Variants in RUFY3 observed in about 807,000 individuals in gnomAD.
The protein encoded by RUFY3 is protein RUFY3.
A neutral mutation model predicts 84.0 loss-of-function variants in RUFY3; 34 were observed. The observed-to-expected ratio is 0.40, with a 90% CI of 0.31 to 0.54. The LOEUF (loss-of-function observed/expected upper bound fraction) is 0.54. Ranked by LOEUF, RUFY3 falls within the 20% of genes least tolerant of loss-of-function variation. The pLI is 0.39. For synonymous variants in RUFY3, 242 were observed against 252.9 expected (o/e 0.96, Z 0.41); for missense variants, 507 against 736.8 (o/e 0.69, Z 3.61).
At chr4:70,778,291 T>C (rs1728307967) in intron 7 of RUFY3, 78 bp from the exon 8 acceptor site, 2 of 654,928 alleles carry the variant, frequency 3.1e-6, no homozygotes. Flanking sequence ...GAAGGATAAG[T>C]GTGAAGGGTT....
chr4:70,748,913 A>G (rs1722660808), intron 1 of RUFY3, among the ~76,000 whole-genome samples: 1 of 152,208 alleles, frequency 6.6e-6, no homozygotes, highest in Non-Finnish European at 1.5e-5. Flanking sequence ...CAAGAGGTCC[A>G]AGGAGGATTG....
At chr4:70,745,067 C>G (rs1721977412) in intron 1 of RUFY3, among the ~76,000 whole-genome samples, 1 of 152,100 alleles carries the variant, frequency 6.6e-6, no homozygotes, top group Non-Finnish European at 1.5e-5. Flanking sequence ...GCCTCAGCCT[C>G]CTGAGTAGCT....
Position 70,793,637 on chromosome 4 carries a change from T to C in RUFY3, c.1338-148T>C, listed in dbSNP as rs1001785701. On this transcript the variant is annotated intron_variant, in intron 12 of 17. Coordinates refer to ENST00000381006, the MANE Select transcript of RUFY3 (RefSeq NM_001037442.4). ...TCTCCATCTTTTCCCCCCCATAATT[T>C]CTTCACCTGTGTCCTGCAAAGTTTT... The C allele has an allele frequency of 2.0e-6, 3 of 1,501,420 alleles. No individual in the cohort carries two copies. In the African/African-American group the frequency reaches 4.3e-5, roughly 21 times the overall value. 93.0% of individuals were successfully genotyped at this position (1,501,420 alleles called of 1,614,324 possible). A position where few individuals can be genotyped will look rare whatever the true frequency, so the allele number is the denominator to read the frequency against.
intron 1 of RUFY3, among the ~76,000 whole-genome samples, chr4:70,711,021 G>A (rs991454154): frequency 4.3e-4 from 54 of 124,474 alleles, no homozygotes; most frequent in African/African-American, 1.6e-3. Context: ...GCCAAGATCC[G>A]CCACTACACT....
At chr4:70,800,724 G>A (rs992183064) in intron 15 of RUFY3, among the ~76,000 whole-genome samples, 3 of 151,932 alleles carry the variant, frequency 2.0e-5, no homozygotes, top group African/African-American at 4.8e-5. Context: ...CTCTACTAAC[G>A]ATACAAAATT....
In RUFY3 at chr4:70,807,471, T is replaced by C. The variant is rs1236883081; in HGVS notation, c.*812T>C. Among the ~76,000 whole-genome samples, 1 of 152,168 alleles carries C rather than the reference T, an allele frequency of 6.6e-6. No homozygotes were observed. The highest frequency in any genetic ancestry group is 6.6e-5 in the Admixed American group (1 of 15,266). ...GAGTTTTAAAAATAGGGTTTGGCTT[T>C]TGCAAATAGAAGATATTGATTAAAG... On this transcript the variant is annotated 3_prime_UTR_variant, in exon 18 of 18. Transcript: ENST00000381006.
intron 12 of RUFY3, chr4:70,792,678 C>G (rs980203544): frequency 8.1e-5 from 80 of 985,028 alleles, no homozygotes; most frequent in Non-Finnish European, 9.0e-5. Context: ...GCTTCCAGCT[C>G]TTAAAATTCT....
chr4:70,768,509 A>G (rs1003089560), intron 4 of RUFY3, 29 bp from the exon 5 acceptor site: 1 of 1,605,090 alleles, frequency 6.2e-7, no homozygotes, highest in Non-Finnish European at 8.5e-7. Flanking sequence ...TTTTGTTACA[A>G]TAAGGAATTC....
At chr4:70,731,348 A>G (rs1204217229) in intron 1 of RUFY3, among the ~76,000 whole-genome samples, 2 of 152,128 alleles carry the variant, frequency 1.3e-5, no homozygotes, top group Non-Finnish European at 2.9e-5. Context: ...AGTGATTGCC[A>G]TCTTTTAAAG....
At chr4:70,721,063 C>T (rs919268660), upstream of RUFY3, among the ~76,000 whole-genome samples, 1 of 152,126 alleles carries the variant, frequency 6.6e-6, no homozygotes, top group African/African-American at 2.4e-5. Context: ...CCTGTAATCC[C>T]AGCACTTTGG....
chr4:70,766,820 C>T (rs1726018848), intron 4 of RUFY3, among the ~76,000 whole-genome samples: 1 of 152,066 alleles, frequency 6.6e-6, no homozygotes, highest in African/African-American at 2.4e-5. Context: ...GATATGTATC[C>T]ATATGTCATT....
At chr4:70,742,714 TC>T (rs1463142502) in intron 1 of RUFY3, among the ~76,000 whole-genome samples, 26 of 152,330 alleles carry the variant, frequency 1.7e-4, no homozygotes, top group African/African-American at 6.0e-4. Flanking sequence ...CTTCTTGGTA[TC>T]CTTAATCAGA....
At chr4:70,773,853 A>G (rs1727392905) in intron 6 of RUFY3, among the ~76,000 whole-genome samples, 1 of 152,192 alleles carries the variant, frequency 6.6e-6, no homozygotes, top group South Asian at 2.1e-4. Context: ...CATGTCTTAT[A>G]GTAGGGTTTA....
Position 70,807,024 on chromosome 4 carries a change from A to G in RUFY3, c.*365A>G, listed in dbSNP as rs1732919912. ...GATAAGAATAAAAAGGAAAATGATC[A>G]TCTCCTTCTATAGCATTTGCAGATT... is the stretch of plus-strand genomic sequence containing the variant. On this transcript the variant is annotated 3_prime_UTR_variant, in exon 18 of 18. Transcript: ENST00000381006. 1 of 161,030 alleles carries G rather than the reference A, an allele frequency of 6.2e-6. No homozygotes were observed. Among genetic ancestry groups the G allele is most frequent in the Non-Finnish European group, 1.4e-5 (1 of 73,798 alleles). The allele number at this position is 161,030 out of a possible 1,614,324, so 10.0% of individuals were successfully genotyped here. A position where few individuals can be genotyped will look rare whatever the true frequency, so the allele number is the denominator to read the frequency against.
chr4:70,723,129 A>G (rs1367554578), intron 1 of RUFY3, among the ~76,000 whole-genome samples: 1 of 152,208 alleles, frequency 6.6e-6, no homozygotes, highest in Non-Finnish European at 1.5e-5. Flanking sequence ...AGTTAAGACA[A>G]CATGACTATA....
At chr4:70,792,335 A>G in intron 12 of RUFY3, 1 of 973,368 alleles carries the variant, frequency 1.0e-6, no homozygotes, top group Non-Finnish European at 1.2e-6. Context: ...TATTAGAAAA[A>G]CATTTCAGAA....
rs75778605 is a variant in RUFY3, at chr4:70,749,585, T to A, written c.179-12934T>A. ...AAACTACACTAGTTTCTTCTTACCT[T>A]CTTACAGGAGGCCAGCAGCTAAACC... On this transcript the variant is annotated intron_variant, in intron 1 of 17. Transcript: ENST00000381006. Among the ~76,000 whole-genome samples, 815 of 151,742 alleles carry A rather than the reference T, an allele frequency of 5.4e-3. 13 individuals are homozygous for A. The highest frequency in any genetic ancestry group is 0.019 in the African/African-American group (790 of 41,368).
intron 1 of RUFY3, among the ~76,000 whole-genome samples, chr4:70,734,177 C>A (rs185193713): frequency 1.3e-5 from 2 of 152,176 alleles, no homozygotes; most frequent in East Asian, 3.9e-4. Context: ...TGTTTAAATG[C>A]TGTTTGCAGT....
Position 70,734,626 on chromosome 4 carries a change from G to A in RUFY3, c.178+11875G>A, listed in dbSNP as rs556877286. ...TTACCCACTTAGCTTCCAGGATTTT[G>A]TAAAATTCTAAATCTGGGTGAGAAA... is the stretch of plus-strand genomic sequence containing the variant. On this transcript the variant is annotated intron_variant, in intron 1 of 17. Coordinates refer to ENST00000381006, the MANE Select transcript of RUFY3 (RefSeq NM_001037442.4). 18 of 937,358 alleles carry A rather than the reference G, an allele frequency of 1.9e-5. No individual in the cohort carries two copies. The South Asian group carries it at 8.9e-4, about 46-fold the overall frequency. 58.1% of individuals were successfully genotyped at this position (937,358 alleles called of 1,614,324 possible). A position where few individuals can be genotyped will look rare whatever the true frequency, so the allele number is the denominator to read the frequency against.
Sources: allele counts gnomAD v4.1 joint callset (sites outside exome capture counted in the v4.1 genomes callset), GRCh38; gene constraint gnomAD v4.1.1; transcripts MANE v1.5; gene names NCBI Gene and HGNC (gene_info 2026-07-23, HGNC 2026-07-21).